Variants in LRP1B observed in about 807,000 individuals in gnomAD.
LRP1B encodes the protein LDL receptor related protein 1B.
In LRP1B, 217 loss-of-function variants were observed where a neutral mutation model predicts 556.6. The observed-to-expected ratio is 0.39, with a 90% confidence interval of 0.35 to 0.44. The LOEUF (loss-of-function observed/expected upper bound fraction) is 0.44, where lower values mean the gene tolerates loss of function less well. Ranked by LOEUF, LRP1B falls within the 20% of genes least tolerant of loss-of-function variation. The pLI is 1.00. For missense variants in LRP1B, 5,053 were observed against 5,620.8 expected (o/e 0.90, Z 3.23); for synonymous variants, 2,047 against 1,865.8 (o/e 1.10, Z -2.50).
chr2:140,702,091 G>T (rs2105427779), intron 39 of LRP1B, 50 bp downstream of exon 39: 1 of 1,580,564 alleles, frequency 6.3e-7, no homozygotes, highest in Non-Finnish European at 8.6e-7. Flanking sequence ...AAAGCAACTG[G>T]CACTGAAATA....
At chr2:141,964,281 C>T (rs1218008697) in intron 1 of LRP1B, among the ~76,000 whole-genome samples, 14 of 150,290 alleles carry the variant, frequency 9.3e-5, no homozygotes, top group Non-Finnish European at 1.3e-4. Flanking sequence ...GAGCCTGCAT[C>T]GCCAAGTCAA....
intron 2 of LRP1B, among the ~76,000 whole-genome samples, chr2:141,750,204 C>A (rs1694059441): frequency 6.6e-6 from 1 of 152,116 alleles, no homozygotes; most frequent in Non-Finnish European, 1.5e-5. Context: ...TGTATAACAA[C>A]TTGAGGAGGT....
intron 41 of LRP1B, among the ~76,000 whole-genome samples, chr2:140,606,777 A>C (rs1412812134): frequency 6.6e-6 from 1 of 152,108 alleles, no homozygotes; most frequent in Non-Finnish European, 1.5e-5. Context: ...CATATCACAC[A>C]CACACTCATA....
chr2:141,594,616 T>C (rs531296270), intron 2 of LRP1B, among the ~76,000 whole-genome samples: 34 of 152,136 alleles, frequency 2.2e-4, no homozygotes, highest in African/African-American at 7.9e-4. Flanking sequence ...AAATATAAAG[T>C]GATAATTGGG....
chr2:141,822,130 C>CACACAGAGAGAGAGAG (rs374369026), intron 1 of LRP1B, among the ~76,000 whole-genome samples: 7 of 95,892 alleles, frequency 7.3e-5, no homozygotes, highest in East Asian at 3.4e-4. Flanking sequence ...CACACACACA[C>CACACAGAGAGAGAGAG]AGAGAGAGAG....
At chr2:142,122,595 T>C (rs1162325505) in intron 1 of LRP1B, among the ~76,000 whole-genome samples, 1 of 152,016 alleles carries the variant, frequency 6.6e-6, no homozygotes, top group Non-Finnish European at 1.5e-5. Flanking sequence ...TCAGCAAGAG[T>C]GCCTGAATTC....
At chr2:140,247,743 G>A (rs1681230387) in intron 86 of LRP1B, among the ~76,000 whole-genome samples, 1 of 151,566 alleles carries the variant, frequency 6.6e-6, no homozygotes, top group Non-Finnish European at 1.5e-5. Flanking sequence ...GGGAGAAGTT[G>A]TTTTTCCCAT....
intron 37 of LRP1B, among the ~76,000 whole-genome samples, chr2:140,706,455 G>T (rs769263925): frequency 2.6e-5 from 4 of 151,980 alleles, no homozygotes; most frequent in Non-Finnish European, 4.4e-5. Context: ...ACTAAAAAAT[G>T]TTCTTTATTT....
chr2:142,085,804 T>C (rs1388245544), intron 1 of LRP1B, among the ~76,000 whole-genome samples: 2 of 152,204 alleles, frequency 1.3e-5, no homozygotes, highest in Non-Finnish European at 2.9e-5. Context: ...GGTTTGACTA[T>C]GTAAATATAA....
intron 41 of LRP1B, among the ~76,000 whole-genome samples, chr2:140,691,210 G>A (rs781132507): frequency 6.6e-6 from 1 of 152,032 alleles, no homozygotes; most frequent in Non-Finnish European, 1.5e-5. Flanking sequence ...GGTGGCTCAC[G>A]CCTGTAATAC....
At chr2:141,008,116 A>G (rs377375070) in intron 14 of LRP1B, among the ~76,000 whole-genome samples, 1 of 151,488 alleles carries the variant, frequency 6.6e-6, no homozygotes, top group East Asian at 1.9e-4. Flanking sequence ...ATGTAAAAAT[A>G]TCCTCTTTAA....
At chr2:140,602,203 A>G (rs978544243) in intron 41 of LRP1B, among the ~76,000 whole-genome samples, 11 of 106,486 alleles carry the variant, frequency 1.0e-4, no homozygotes, top group African/African-American at 3.5e-4. Flanking sequence ...AACTAATGAG[A>G]TAAAAAAAAA....
chr2:141,991,240 C>T (rs1702334424), intron 1 of LRP1B, among the ~76,000 whole-genome samples: 2 of 151,996 alleles, frequency 1.3e-5, no homozygotes. Flanking sequence ...CTTTCCTAAG[C>T]AACCATCATT....
At chr2:141,936,944 A>G (rs1231412523) in intron 1 of LRP1B, among the ~76,000 whole-genome samples, 1 of 151,924 alleles carries the variant, frequency 6.6e-6, no homozygotes, top group African/African-American at 2.4e-5. Context: ...GTATTTAACT[A>G]AAGTCATAAC....
chr2:140,525,706 A>G (rs1180884706), intron 49 of LRP1B, 138 bp downstream of exon 49: 1 of 709,004 alleles, frequency 1.4e-6, no homozygotes, highest in Non-Finnish European at 2.3e-6. Flanking sequence ...CAGGTTAATT[A>G]CATTTCAGTC....
intron 1 of LRP1B, among the ~76,000 whole-genome samples, chr2:141,879,693 C>T (rs979740011): frequency 1.3e-5 from 2 of 151,396 alleles, no homozygotes; most frequent in African/African-American, 4.9e-5. Context: ...TTTCAAGTTT[C>T]CAAAATTAAA....
chr2:140,776,496 C>A (rs1407967932), intron 32 of LRP1B, among the ~76,000 whole-genome samples: 3 of 131,144 alleles, frequency 2.3e-5, no homozygotes, highest in East Asian at 2.5e-4. Context: ...ATATAATATT[C>A]TTATATTTTA....
chr2:141,457,864 G>C (rs561863656), intron 3 of LRP1B, among the ~76,000 whole-genome samples: 1 of 152,130 alleles, frequency 6.6e-6, no homozygotes, highest in Non-Finnish European at 1.5e-5. Flanking sequence ...GGCTTCTGGG[G>C]TACAAAGACA....
intron 7 of LRP1B, among the ~76,000 whole-genome samples, chr2:141,170,134 CTT>C (rs1414801242): frequency 2.0e-5 from 3 of 152,098 alleles, no homozygotes; most frequent in African/African-American, 7.2e-5. Flanking sequence ...ACATAAGTCA[CTT>C]TTTAATAGAC....
Sources: gnomAD v4.1 joint callset for allele counts (sites outside exome capture counted in the v4.1 genomes callset) on GRCh38, gnomAD v4.1.1 for gene constraint, MANE v1.5 for transcripts, NCBI Gene and HGNC (gene_info 2026-07-23, HGNC 2026-07-21) for gene names.